The following EBF3 variants were observed in gnomAD, a reference collection of about 807,000 sequenced individuals.
EBF3 encodes the protein transcription factor COE3.
Under a neutral mutation model 77.1 loss-of-function variants are expected in EBF3, and 18 were observed. The observed-to-expected ratio is 0.23, with a 90% CI of 0.16 to 0.35. The LOEUF (loss-of-function observed/expected upper bound fraction) is 0.35. Ranked by LOEUF, EBF3 falls within the 10% of genes least tolerant of loss-of-function variation. The pLI is 1.00. For missense variants in EBF3, 558 were observed against 860.0 expected, an observed-to-expected ratio of 0.65 and a Z score of 4.39; for synonymous variants, 350 against 343.5, an observed-to-expected ratio of 1.02 and a Z score of -0.21.
intron 6 of EBF3, among the ~76,000 whole-genome samples, chr10:129,929,292 C>T (rs1856857949): frequency 6.6e-6 from 1 of 152,118 alleles, no homozygotes; most frequent in African/African-American, 2.4e-5. Flanking sequence ...GCAACCTGCA[C>T]CTCCCGGGCT....
chr10:129,961,815 GA>G (rs1330861925), intron 4 of EBF3, among the ~76,000 whole-genome samples: 2 of 151,738 alleles, frequency 1.3e-5, no homozygotes, highest in South Asian at 4.2e-4. Context: ...TTTGTTATAG[GA>G]AAAAAAATCC....
At chr10:129,843,088 G>A (rs1406368380) in intron 12 of EBF3, 49 bp downstream of exon 12, 4 of 1,547,066 alleles carry the variant, frequency 2.6e-6, no homozygotes, top group African/African-American at 1.4e-5. Context: ...CTGCCCACGG[G>A]TTCTGGCATG....
chr10:129,849,149 G>C (rs1281767004), intron 10 of EBF3, among the ~76,000 whole-genome samples: 2 of 152,222 alleles, frequency 1.3e-5, no homozygotes, highest in Non-Finnish European at 2.9e-5. Flanking sequence ...GCTGTGTACA[G>C]TGCATGAATC....
At chr10:129,889,274 A>G (rs938648827) in intron 6 of EBF3, among the ~76,000 whole-genome samples, 3 of 152,224 alleles carry the variant, frequency 2.0e-5, no homozygotes, top group Non-Finnish European at 4.4e-5. Context: ...CATGGGGGCC[A>G]AAGGGACAAG....
intron 6 of EBF3, among the ~76,000 whole-genome samples, chr10:129,906,158 G>A (rs1855129911): frequency 6.6e-6 from 1 of 152,216 alleles, no homozygotes; most frequent in Non-Finnish European, 1.5e-5. Flanking sequence ...GATAGGGAGT[G>A]ACAGTTGATT....
At chr10:129,887,789 C>T (rs1853712134) in intron 6 of EBF3, among the ~76,000 whole-genome samples, 1 of 152,166 alleles carries the variant, frequency 6.6e-6, no homozygotes, top group Admixed American at 6.5e-5. Context: ...TGGGTTCGCA[C>T]ATGCCAGCCC....
chr10:129,858,015 T>C (rs1851372882), intron 10 of EBF3, among the ~76,000 whole-genome samples: 1 of 152,186 alleles, frequency 6.6e-6, no homozygotes, highest in African/African-American at 2.4e-5. Context: ...GAATCACCGA[T>C]GTTGGTGGAC....
At chr10:129,925,210 C>T (rs927496945) in intron 6 of EBF3, among the ~76,000 whole-genome samples, 4 of 150,706 alleles carry the variant, frequency 2.7e-5, no homozygotes, top group Non-Finnish European at 5.9e-5. Context: ...GAGGCTGAGG[C>T]GGGCAGATCA....
Position 129,837,043 on chromosome 10 carries a change from A to G in EBF3, c.*900T>C, listed in dbSNP as rs1244017509. 2 of 152,696 alleles carry G rather than the reference A, an allele frequency of 1.3e-5. No individual in the cohort carries two copies. Among genetic ancestry groups the G allele is most frequent in the Admixed American group, 6.5e-5 (1 of 15,284 alleles). 9.5% of individuals were successfully genotyped at this position (152,696 alleles called of 1,614,324 possible). On this transcript the variant is annotated 3_prime_UTR_variant, in exon 17 of 17. Coordinates refer to ENST00000440978, the MANE Select transcript of EBF3 (RefSeq NM_001375380.1). ...CAAAATCACAAAAGTCTACAATTTT[A>G]TAACCACATACAAAACACATTAGGG...
In EBF3 at chr10:129,890,482, G is replaced by A. The variant is rs573381676; in HGVS notation, c.555-12633C>T. Among the ~76,000 whole-genome samples the A allele has an allele frequency of 9.6e-4, 147 of 152,370 alleles. 1 individual carries two copies. Among genetic ancestry groups the A allele is most frequent in the African/African-American group, 3.4e-3 (143 of 41,592 alleles). Reference sequence around the variant, plus strand: ...CACCATAAGGTGTGACGTGCACAGCGGGGCCTCCGCCAGCCTAATACTGGG... The same window carrying A: ...CACCATAAGGTGTGACGTGCACAGCAGGGCCTCCGCCAGCCTAATACTGGG... On this transcript the variant is annotated intron_variant, in intron 6 of 16. Coordinates refer to ENST00000440978, the MANE Select transcript of EBF3 (RefSeq NM_001375380.1).
At chr10:129,877,733 G>A (rs1258406739) in intron 7 of EBF3, 35 bp downstream of exon 7, 2 of 1,577,658 alleles carry the variant, frequency 1.3e-6, no homozygotes, top group Admixed American at 3.4e-5. Context: ...TGAAAAGTCA[G>A]GACCACGGTC....
chr10:129,945,560 G>T (rs752077012), intron 6 of EBF3, among the ~76,000 whole-genome samples: 1 of 152,300 alleles, frequency 6.6e-6, no homozygotes, highest in South Asian at 2.1e-4. Context: ...AAACATTTGG[G>T]ATTTGTGCTA....
chr10:129,851,548 T>TA, intron 10 of EBF3, among the ~76,000 whole-genome samples: 3 of 152,292 alleles, frequency 2.0e-5, no homozygotes, highest in Admixed American at 2.0e-4. Flanking sequence ...AATACGTTTC[T>TA]CAAAATTTTG....
intron 6 of EBF3, among the ~76,000 whole-genome samples, chr10:129,916,681 C>T (rs1358713375): frequency 1.3e-5 from 2 of 152,176 alleles, no homozygotes; most frequent in African/African-American, 4.8e-5. Context: ...CCCCAAATCT[C>T]CAGCAAAGCT....
At position 129,885,660 on chromosome 10, in the gene EBF3, T is replaced by C. The variant is rs1265926844; in HGVS notation, c.555-7811A>G. Among the ~76,000 whole-genome samples the C allele has an allele frequency of 6.6e-6, 1 of 152,168 alleles. No individual in the cohort carries two copies. The highest frequency in any genetic ancestry group is 1.5e-5 in the Non-Finnish European group (1 of 68,030). On this transcript the variant is annotated intron_variant, in intron 6 of 16. Coordinates refer to ENST00000440978, the MANE Select transcript of EBF3 (RefSeq NM_001375380.1). The surrounding 1 kb of genome is among the most constrained non-coding windows in gnomAD (Gnocchi z 4.0). ...TTTCCCCAGCAGATCACGCGCCCTG[T>C]CAATCAGTCTGTATTTTGTCTTTCG...
At position 129,837,966 on chromosome 10, in the gene EBF3, A is replaced by T; in HGVS notation, c.1873-6T>A. Reference sequence around the variant, plus strand: ...GACTACCAGCCCAGACATAGCTGCAAGACAGAAGGACAGAGCAGTTACTGC... The same window carrying T: ...GACTACCAGCCCAGACATAGCTGCATGACAGAAGGACAGAGCAGTTACTGC... On this transcript the variant is annotated splice_polypyrimidine_tract_variant and splice_region_variant and intron_variant, in intron 16 of 16. Coordinates refer to ENST00000440978, the MANE Select transcript of EBF3 (RefSeq NM_001375380.1). 6.2e-7 allele frequency: 1 copy of T among 1,614,086 alleles called. No homozygotes were observed. Among genetic ancestry groups the T allele is most frequent in the Non-Finnish European group, 8.5e-7 (1 of 1,179,998 alleles).
rs1041042794 is a variant in EBF3, at chr10:129,840,347, C to G, written c.1657G>C (p.Val553Leu). The change falls in exon 15 of 17, where the codon GTC (valine) becomes CTC (leucine). Residue 553 changes from valine to leucine, a missense_variant. Physicochemically the swap from Val to Leu is conservative, Grantham distance 32. Around this residue, in one of 5 missense-constraint regions of EBF3, gnomAD observed 284 missense variants for 368.3 expected, o/e 0.77. Coordinates refer to ENST00000440978, the MANE Select transcript of EBF3 (RefSeq NM_001375380.1). ...HGIFSFSPAN[V>L]ISAVKQKSAF... Reference sequence around the variant, plus strand: ...CTCTTCTGTTTCACTGCGGAGATGACATTGGCAGGTGAGAATGAGAAAATG... The same window carrying G: ...CTCTTCTGTTTCACTGCGGAGATGAGATTGGCAGGTGAGAATGAGAAAATG... 5.7e-6 allele frequency: 9 copies of G among 1,576,362 alleles called. No homozygotes were observed. Among genetic ancestry groups the G allele is most frequent in the Non-Finnish European group, 3.4e-6 (4 of 1,160,216 alleles).
chr10:129,917,397 C>T (rs748011329), intron 6 of EBF3, among the ~76,000 whole-genome samples: 22 of 152,136 alleles, frequency 1.4e-4, no homozygotes, highest in Non-Finnish European at 2.5e-4. Flanking sequence ...AAGTGGGGCA[C>T]ATATCATATG....
At chr10:129,958,802 G>A (rs930050970) in intron 5 of EBF3, 132 bp downstream of exon 5, 4 of 1,262,698 alleles carry the variant, frequency 3.2e-6, no homozygotes, top group African/African-American at 1.6e-5. Flanking sequence ...GCGCGGCCTC[G>A]GGCCGATTAC....
Sources: allele counts gnomAD v4.1 joint callset (sites outside exome capture counted in the v4.1 genomes callset), GRCh38; gene constraint gnomAD v4.1.1; regional missense constraint gnomAD v4.1.1; non-coding constraint Gnocchi (gnomAD v3.1); transcripts MANE v1.5; gene names NCBI Gene and HGNC (gene_info 2026-07-23, HGNC 2026-07-21).